Variants in KSR2 observed in about 807,000 individuals in gnomAD.
KSR2 encodes the protein kinase suppressor of ras 2.
Under a neutral mutation model 107.8 loss-of-function variants are expected in KSR2, and 25 were observed. The observed-to-expected ratio is 0.23, with a 90% CI of 0.17 to 0.32. The LOEUF is 0.32. Among genes scored for constraint, KSR2 ranks in the 10% least tolerant of loss-of-function variants. KSR2 has a pLI of 1.00. For synonymous variants in KSR2, 480 were observed against 507.0 expected (o/e 0.95, Z 0.71); for missense variants, 887 against 1,268.9 (o/e 0.70, Z 4.57).
rs866871521 is a variant in KSR2, at chr12:117,798,722, T to A, written c.473-37198A>T. On this transcript the variant is annotated intron_variant, in intron 3 of 19. Transcript: ENST00000339824. ...AGGCAAAAAGTCCAAAAAAAAAAAA[T>A]ATATATATATATATCAACCCAAAAT... Among the ~76,000 whole-genome samples the A allele has an allele frequency of 2.6e-3, 312 of 122,328 alleles. 2 individuals are homozygous for A. The highest frequency in any genetic ancestry group is 9.6e-3 in the East Asian group (43 of 4,494). 80.3% of individuals were successfully genotyped at this position (122,328 alleles called of 152,430 possible). A position where few individuals can be genotyped will look rare whatever the true frequency, so the allele number is the denominator to read the frequency against.
chr12:117,474,362 T>A (rs1871647480), intron 17 of KSR2, among the ~76,000 whole-genome samples: 1 of 152,202 alleles, frequency 6.6e-6, no homozygotes, highest in African/African-American at 2.4e-5. Flanking sequence ...CCAACTGACA[T>A]CCTCTAAAGG....
chr12:117,476,385 T>C, intron 17 of KSR2, 79 bp downstream of exon 17: 1 of 1,466,546 alleles, frequency 6.8e-7, no homozygotes, highest in African/African-American at 1.4e-5. Context: ...CCCTGGCCCT[T>C]CCAAAAGCAC....
chr12:117,514,446 G>A (rs892977273), intron 14 of KSR2, among the ~76,000 whole-genome samples: 2 of 151,942 alleles, frequency 1.3e-5, no homozygotes, highest in African/African-American at 4.8e-5. Context: ...TTAATCCCTG[G>A]GTGGCTCCCC....
At chr12:117,828,328 A>G (rs1891831548) in intron 3 of KSR2, among the ~76,000 whole-genome samples, 1 of 152,240 alleles carries the variant, frequency 6.6e-6, no homozygotes, top group East Asian at 1.9e-4. Flanking sequence ...AAGTTCAGGT[A>G]GAATCCTGGT....
At chr12:117,685,991 C>A (rs1460143607) in intron 4 of KSR2, among the ~76,000 whole-genome samples, 2 of 152,160 alleles carry the variant, frequency 1.3e-5, no homozygotes, top group Non-Finnish European at 2.9e-5. Context: ...TTCATTTCAC[C>A]CTTCCTACAT....
In KSR2 at chr12:117,968,076, C is replaced by T; in HGVS notation, c.180G>A (p.Glu60=). 1 of 1,421,268 alleles carries T rather than the reference C, an allele frequency of 7.0e-7. No individual in the cohort carries two copies. Among genetic ancestry groups the T allele is most frequent in the Non-Finnish European group, 9.8e-7 (1 of 1,022,628 alleles). The allele number at this position is 1,421,268 out of a possible 1,614,324, so 88.0% of individuals were successfully genotyped here. A position where few individuals can be genotyped will look rare whatever the true frequency, so the allele number is the denominator to read the frequency against. ...TTTTTTTCCCGTAGGCAACACCTAC[C>T]TCCAGGGTCCGGATTTCTTTTTGTG... ...DLTQKEIRTL[E]SKLVKYFSRQ... is the part of the protein sequence containing the mutation. Residue 60 remains glutamate (E), a splice_region_variant and synonymous_variant, in exon 1 of 20, where the codon GAG becomes GAA. Coordinates refer to ENST00000339824, the MANE Select transcript of KSR2 (RefSeq NM_173598.6).
intron 7 of KSR2, among the ~76,000 whole-genome samples, chr12:117,566,595 C>T (rs1878510337): frequency 6.6e-6 from 1 of 152,106 alleles, no homozygotes; most frequent in Non-Finnish European, 1.5e-5. Context: ...CATAGTATTC[C>T]ATGTATACCC....
intron 3 of KSR2, among the ~76,000 whole-genome samples, chr12:117,838,458 T>C (rs1322269764): frequency 6.6e-6 from 1 of 152,188 alleles, no homozygotes; most frequent in South Asian, 2.1e-4. Flanking sequence ...TGAGCCACCA[T>C]GCCCAGTCAG....
At chr12:117,889,810 G>A (rs1256101309) in intron 1 of KSR2, 1 of 152,192 alleles carries the variant, frequency 6.6e-6, no homozygotes, top group Non-Finnish European at 1.5e-5. Flanking sequence ...CTTGGAAGAT[G>A]GGGAGCTGTT....
intron 1 of KSR2, among the ~76,000 whole-genome samples, chr12:117,905,259 T>C (rs887946813): frequency 8.5e-5 from 13 of 152,104 alleles, no homozygotes; most frequent in Admixed American, 8.5e-4. Context: ...TGATAAAAAA[T>C]TTTAAAAAAA....
intron 4 of KSR2, among the ~76,000 whole-genome samples, chr12:117,698,058 C>A (rs1886145357): frequency 1.3e-5 from 2 of 152,108 alleles, no homozygotes; most frequent in South Asian, 4.2e-4. Context: ...AGACTGCCGG[C>A]ACATCACTAG....
At chr12:117,793,770 G>GCAACATGCACACAC (rs1385796405) in intron 3 of KSR2, among the ~76,000 whole-genome samples, 2 of 99,640 alleles carry the variant, frequency 2.0e-5, no homozygotes, top group African/African-American at 8.3e-5. Flanking sequence ...ATGCACACAT[G>GCAACATGCACACAC]CAACATGCAC....
chr12:117,689,086 T>C (rs1885711061), intron 4 of KSR2, among the ~76,000 whole-genome samples: 1 of 152,230 alleles, frequency 6.6e-6, no homozygotes, highest in Non-Finnish European at 1.5e-5. Flanking sequence ...TGACCATAAC[T>C]ACCTAATACC....
At chr12:117,625,100 T>C (rs1882400959) in intron 5 of KSR2, among the ~76,000 whole-genome samples, 1 of 152,210 alleles carries the variant, frequency 6.6e-6, no homozygotes. Context: ...TAGGAGATTT[T>C]GGGCTGAGGC....
chr12:117,666,149 A>G (rs1487529943), intron 5 of KSR2, among the ~76,000 whole-genome samples: 1 of 152,164 alleles, frequency 6.6e-6, no homozygotes, highest in Non-Finnish European at 1.5e-5. Context: ...ACCGACTCCT[A>G]ACTGATGTCC....
intron 9 of KSR2, among the ~76,000 whole-genome samples, chr12:117,541,699 C>T (rs1052631165): frequency 1.6e-4 from 24 of 151,804 alleles, no homozygotes; most frequent in Non-Finnish European, 2.6e-4. Flanking sequence ...GTAGGTGTGG[C>T]GAACACCCAA....
intron 14 of KSR2, among the ~76,000 whole-genome samples, chr12:117,490,818 T>A (rs1223480334): frequency 6.6e-6 from 1 of 152,216 alleles, no homozygotes; most frequent in Non-Finnish European, 1.5e-5. Flanking sequence ...GAATTTAACG[T>A]GTAAAAATTG....
At chr12:117,812,625 T>C (rs75048766) in intron 3 of KSR2, among the ~76,000 whole-genome samples, 1,861 of 151,884 alleles carry the variant, frequency 0.012, 39 homozygotes, top group African/African-American at 0.043. Flanking sequence ...AGGAAAGCTA[T>C]AAAACACTGA....
intron 4 of KSR2, among the ~76,000 whole-genome samples, chr12:117,737,187 C>A (rs770370869): frequency 6.6e-6 from 1 of 152,180 alleles, no homozygotes; most frequent in Non-Finnish European, 1.5e-5. Context: ...GTCTCTAATC[C>A]TAATGTAACA....
Sources: allele counts gnomAD v4.1 joint callset (sites outside exome capture counted in the v4.1 genomes callset), GRCh38; gene constraint gnomAD v4.1.1; transcripts MANE v1.5; gene names NCBI Gene and HGNC (gene_info 2026-07-23, HGNC 2026-07-21).